Variants in SORD observed in about 807,000 individuals in gnomAD.
SORD encodes the protein sorbitol dehydrogenase.
SORD carries 18 observed loss-of-function variants against 35.6 expected under a neutral mutation model. The observed-to-expected ratio is 0.51, with a 90% confidence interval of 0.35 to 0.75. The LOEUF is 0.75. Among genes scored for constraint, SORD ranks in the 30% least tolerant of loss-of-function variants. The pLI is 0.01. For synonymous variants in SORD, 106 were observed against 152.9 expected (o/e 0.69, Z 2.26); for missense variants, 250 against 390.2 (o/e 0.64, Z 3.03).
intron 7 of SORD, 52 bp downstream of exon 7, chr15:45,069,104 G>A: frequency 1.5e-6 from 2 of 1,374,282 alleles, no homozygotes; most frequent in Non-Finnish European, 1.9e-6. Context: ...AGTGAAGGAG[G>A]CAGAAGTAGG....
intron 3 of SORD, among the ~76,000 whole-genome samples, chr15:45,051,587 A>G (rs1350704706): frequency 2.0e-5 from 3 of 152,242 alleles, no homozygotes; most frequent in Admixed American, 2.0e-4. Flanking sequence ...ATTCTAAAAC[A>G]AGGCAAAAAC....
chr15:45,070,615 G>C (rs1369315556), intron 7 of SORD: 1 of 152,270 alleles, frequency 6.6e-6, no homozygotes, highest in African/African-American at 2.4e-5. Flanking sequence ...CCGAAGCTCA[G>C]AGAGGAACAA....
At chr15:45,050,985 G>T (rs936779049) in intron 3 of SORD, among the ~76,000 whole-genome samples, 7 of 152,170 alleles carry the variant, frequency 4.6e-5, no homozygotes, top group Non-Finnish European at 7.4e-5. Context: ...GAACATTTCA[G>T]TTCTTCATGA....
At chr15:45,040,552 A>G (rs35065119) in intron 2 of SORD, 111 bp downstream of exon 2, 33 of 844,822 alleles carry the variant, frequency 3.9e-5, no homozygotes, top group Admixed American at 1.3e-4. Flanking sequence ...TTACTTTTGC[A>G]TCCATTAAAA....
rs1007741471 is a variant in SORD at position 45,023,499 on chromosome 15, G to C, written c.66+150G>C. The C allele has an allele frequency of 3.5e-5, 22 of 624,184 alleles. No individual in the cohort carries two copies. The African/African-American group carries it at 4.2e-4, about 12-fold the overall frequency. 38.7% of individuals were successfully genotyped at this position (624,184 alleles called of 1,614,324 possible). On this transcript the variant is annotated intron_variant, in intron 1 of 8. Transcript: ENST00000267814. ...CAGATCCCAGCTGGTTCCCCTCGGG[G>C]TGTGGGGGCAGCAGGTAGTGGCTGT...
At chr15:45,048,820 A>G (rs1171120008) in intron 3 of SORD, among the ~76,000 whole-genome samples, 1 of 152,226 alleles carries the variant, frequency 6.6e-6, no homozygotes, top group Non-Finnish European at 1.5e-5. Context: ...TTGCTGTTTC[A>G]CAGTTGAATA....
chr15:45,027,374 C>G (rs1475550165), intron 1 of SORD, among the ~76,000 whole-genome samples: 3 of 152,270 alleles, frequency 2.0e-5, no homozygotes, highest in African/African-American at 7.2e-5. Flanking sequence ...TTATTTTCCA[C>G]TTCAACTTCC....
At chr15:45,029,909 A>G (rs1225339902) in intron 1 of SORD, among the ~76,000 whole-genome samples, 1 of 152,260 alleles carries the variant, frequency 6.6e-6, no homozygotes, top group African/African-American at 2.4e-5. Context: ...GGATCTTTAT[A>G]GGCACAGGAT....
At chr15:45,041,614 G>C (rs1892966741) in intron 2 of SORD, 1 of 152,194 alleles carries the variant, frequency 6.6e-6, no homozygotes, top group Admixed American at 6.5e-5. Context: ...AGTAAGTATT[G>C]TATAGTTAGG....
rs1408626137 is a variant in SORD at position 45,073,781 on chromosome 15, G to C, written c.*251G>C. ...AAGTTCAGCAAGTAGAGCAGAGTTTGGCAGGCAGGTGCCAGGAACTCCCCT... is the reference window on the plus strand; with the variant it reads ...AAGTTCAGCAAGTAGAGCAGAGTTTCGCAGGCAGGTGCCAGGAACTCCCCT... On this transcript the variant is annotated 3_prime_UTR_variant, in exon 9 of 9. Transcript: ENST00000267814. The C allele has an allele frequency of 4.6e-6, 1 of 218,196 alleles. No individual in the cohort carries two copies. The allele number at this position is 218,196 out of a possible 1,614,324, so 13.5% of individuals were successfully genotyped here.
At chr15:45,033,059 A>G (rs1391452821) in intron 1 of SORD, among the ~76,000 whole-genome samples, 2 of 151,968 alleles carry the variant, frequency 1.3e-5, no homozygotes, top group Non-Finnish European at 2.9e-5. Flanking sequence ...CAGTGGGAGC[A>G]CATTGCACTC....
At chr15:45,031,582 T>C (rs1358468525) in intron 1 of SORD, among the ~76,000 whole-genome samples, 1 of 152,270 alleles carries the variant, frequency 6.6e-6, no homozygotes, top group African/African-American at 2.4e-5. Context: ...ATGTCCATTG[T>C]CATAACTTAG....
chr15:45,070,817 C>T (rs1595510501), intron 7 of SORD: 1 of 152,214 alleles, frequency 6.6e-6, no homozygotes, highest in East Asian at 1.9e-4. Flanking sequence ...CATGGCTCTC[C>T]TTCCTCTTGT....
chr15:45,052,808 C>A (rs555797052), intron 3 of SORD, among the ~76,000 whole-genome samples: 1 of 152,220 alleles, frequency 6.6e-6, no homozygotes, highest in Non-Finnish European at 1.5e-5. Context: ...GTTCAGAAGG[C>A]CAAACTGGCT....
chr15:45,036,671 T>C (rs1257009046), intron 1 of SORD, among the ~76,000 whole-genome samples: 2 of 152,182 alleles, frequency 1.3e-5, no homozygotes, highest in African/African-American at 2.4e-5. Flanking sequence ...CACTGCACTG[T>C]AGCCTGAGTG....
intron 3 of SORD, among the ~76,000 whole-genome samples, chr15:45,056,588 A>G (rs955650811): frequency 8.5e-5 from 13 of 152,186 alleles, no homozygotes; most frequent in Non-Finnish European, 1.3e-4. Flanking sequence ...TTCTATTTGA[A>G]TTTCTATATT....
Position 45,040,397 on chromosome 15 carries a change from G to A in SORD, c.67-11G>A, listed in dbSNP as rs1407937165. 2 of 1,480,900 alleles carry A rather than the reference G, an allele frequency of 1.4e-6. No individual in the cohort carries two copies. Among genetic ancestry groups the A allele is most frequent in the Admixed American group, 1.7e-5 (1 of 57,732 alleles). 91.7% of individuals were successfully genotyped at this position (1,480,900 alleles called of 1,614,324 possible). A position where few individuals can be genotyped will look rare whatever the true frequency, so the allele number is the denominator to read the frequency against. ...CATGCTAAATGATTTTTTCAATTTT[G>A]TTTCTTTTAGGAGAACTATCCTATC... On this transcript the variant is annotated splice_polypyrimidine_tract_variant and intron_variant, in intron 1 of 8. Coordinates refer to ENST00000267814, the MANE Select transcript of SORD (RefSeq NM_003104.6).
chr15:45,032,758 T>C (rs200860516), intron 1 of SORD, among the ~76,000 whole-genome samples: 11 of 150,980 alleles, frequency 7.3e-5, no homozygotes, highest in South Asian at 2.1e-4. Context: ...TACTTTGACC[T>C]CAAGTTTGCC....
intron 3 of SORD, among the ~76,000 whole-genome samples, chr15:45,057,427 A>C (rs1363597519): frequency 6.6e-6 from 1 of 152,244 alleles, no homozygotes; most frequent in African/African-American, 2.4e-5. Context: ...TGAACAATCC[A>C]AGCATAATTG....
Sources: gnomAD v4.1 joint callset for allele counts (sites outside exome capture counted in the v4.1 genomes callset) on GRCh38, gnomAD v4.1.1 for gene constraint, MANE v1.5 for transcripts, NCBI Gene and HGNC (gene_info 2026-07-23, HGNC 2026-07-21) for gene names.